The following HERC1 variants were observed in gnomAD, a reference collection of about 807,000 sequenced individuals.
HERC1 encodes probable E3 ubiquitin-protein ligase HERC1.
Under a neutral mutation model 554.3 loss-of-function variants are expected in HERC1, and 160 were observed. That is an observed-to-expected ratio of 0.29 (90% CI 0.25 to 0.33). The LOEUF is 0.33. Among genes scored for constraint, HERC1 ranks in the 10% least tolerant of loss-of-function variants. HERC1 has a pLI of 1.00. For missense variants in HERC1, 4,919 were observed against 5,918.5 expected, an observed-to-expected ratio of 0.83 and a Z score of 5.54; for synonymous variants, 2,175 against 2,131.7, an observed-to-expected ratio of 1.02 and a Z score of -0.56.
At chr15:63,679,179 C>G (rs1478699538) in intron 36 of HERC1, among the ~76,000 whole-genome samples, 3 of 152,182 alleles carry the variant, frequency 2.0e-5, no homozygotes, top group Admixed American at 6.5e-5. Flanking sequence ...CGAACCAGAA[C>G]ATGACAGAAA....
At chr15:63,815,857 A>G (rs553790697) in intron 1 of HERC1, among the ~76,000 whole-genome samples, 42 of 152,318 alleles carry the variant, frequency 2.8e-4, no homozygotes, top group African/African-American at 9.9e-4. Context: ...TCATGGCAGA[A>G]GGGGTTAGCA....
chr15:63,696,017 T>A, intron 27 of HERC1, 107 bp downstream of exon 27: 2 of 791,690 alleles, frequency 2.5e-6, no homozygotes, highest in Non-Finnish European at 4.1e-6. Flanking sequence ...AAATTTAAAG[T>A]CTTTGTATTT....
chr15:63,742,143 G>A (rs772532953), intron 12 of HERC1, among the ~76,000 whole-genome samples: 28 of 152,022 alleles, frequency 1.8e-4, no homozygotes, highest in Admixed American at 3.3e-4. Flanking sequence ...CATTTATTTC[G>A]GTCTTCTTTA....
At chr15:63,788,695 T>C (rs2076531139) in intron 1 of HERC1, among the ~76,000 whole-genome samples, 1 of 151,926 alleles carries the variant, frequency 6.6e-6, no homozygotes, top group African/African-American at 2.4e-5. Context: ...GGCAGGTGGA[T>C]CACCTGAGGT....
intron 70 of HERC1, among the ~76,000 whole-genome samples, chr15:63,626,605 G>C (rs1379470062): frequency 6.6e-6 from 1 of 152,170 alleles, no homozygotes; most frequent in East Asian, 1.9e-4. Context: ...CTAGGGATCT[G>C]ATAGCAAGTA....
chr15:63,786,941 T>A (rs2076471802), intron 1 of HERC1, among the ~76,000 whole-genome samples: 1 of 150,692 alleles, frequency 6.6e-6, no homozygotes, highest in African/African-American at 2.4e-5. Flanking sequence ...TTTTATTTTT[T>A]GAGACGGAGT....
chr15:63,645,669 C>T lies in HERC1; in HGVS notation c.10892G>A (p.Ser3631Asn), dbSNP rs1162859422. The change falls in exon 56 of 78, where the codon AGC becomes AAC. Residue 3631 changes from serine (S) to asparagine (N), a missense_variant. This residue lies in a region of HERC1 where 1,963 missense variants were observed against 2,228.6 expected (regional missense o/e 0.88). Transcript: ENST00000443617. Reference protein sequence around the residue: ...LIDAHKDTLISMKWDPTGHIL... With the variant: ...LIDAHKDTLINMKWDPTGHIL... ...ATGACCTGTAGGGTCCCACTTCATG[C>T]TAATAAGAGTATCCTTAAAATGGAA... 1.1e-5 allele frequency: 17 copies of T among 1,570,894 alleles called. No individual in the cohort carries two copies. Among genetic ancestry groups the T allele is most frequent in the Non-Finnish European group, 1.5e-5 (17 of 1,160,780 alleles).
chr15:63,743,667 T>C (rs1302777983), intron 12 of HERC1, among the ~76,000 whole-genome samples: 1 of 152,238 alleles, frequency 6.6e-6, no homozygotes, highest in African/African-American at 2.4e-5. Flanking sequence ...CTTGATTCTT[T>C]CAAATTATTT....
At chr15:63,796,182 G>A (rs1329026038) in intron 1 of HERC1, among the ~76,000 whole-genome samples, 1 of 152,158 alleles carries the variant, frequency 6.6e-6, no homozygotes, top group Non-Finnish European at 1.5e-5. Flanking sequence ...TTTTTTACAA[G>A]TAGAATAAAT....
chr15:63,625,872 A>G lies in HERC1; in HGVS notation c.13275+113T>C, dbSNP rs187002405. On this transcript the variant is annotated intron_variant, in intron 71 of 77. Coordinates refer to ENST00000443617, the MANE Select transcript of HERC1 (RefSeq NM_003922.4). Reference sequence around the variant, plus strand: ...GAATAGAAGTGTTATCTTATTAGCCATGAAAGAATTTTCCAAAGGCAGAGG... The same window carrying G: ...GAATAGAAGTGTTATCTTATTAGCCGTGAAAGAATTTTCCAAAGGCAGAGG... The G allele has an allele frequency of 1.0e-3, 1,058 of 1,062,614 alleles. 3 individuals carry two copies. In the Middle Eastern group the frequency reaches 0.01, roughly 10 times the overall value. 65.8% of individuals were successfully genotyped at this position (1,062,614 alleles called of 1,614,324 possible). A position where few individuals can be genotyped will look rare whatever the true frequency, so the allele number is the denominator to read the frequency against.
intron 19 of HERC1, among the ~76,000 whole-genome samples, chr15:63,722,286 T>G (rs977604212): frequency 1.3e-5 from 2 of 152,226 alleles, no homozygotes; most frequent in African/African-American, 4.8e-5. Flanking sequence ...ACCAGCACTC[T>G]AGAGTAGGCA....
intron 61 of HERC1, 133 bp downstream of exon 61, chr15:63,640,019 A>C (rs752426149): frequency 1.6e-4 from 139 of 866,498 alleles, no homozygotes; most frequent in Non-Finnish European, 2.3e-4. Flanking sequence ...CTGAAAGAAA[A>C]ATATTTTCCA....
At chr15:63,810,139 A>C (rs1002297652) in intron 1 of HERC1, among the ~76,000 whole-genome samples, 1 of 152,252 alleles carries the variant, frequency 6.6e-6, no homozygotes, top group Non-Finnish European at 1.5e-5. Context: ...AAAATACATT[A>C]AGATGCAGAC....
chr15:63,661,954 C>G lies in HERC1; in HGVS notation c.8969G>C (p.Ser2990Thr). ...GTTTCTCTTCATGTGCTGATTGAAG[C>G]TGACGACGCTGCATTCACACAGTTC... is the stretch of plus-strand genomic sequence containing the variant. ...VCELCECSVV[S>T]FNQHMKRNHP... The change falls in exon 45 of 78, where the codon AGC (serine) becomes ACC (threonine). Residue 2990 changes from serine to threonine, a missense_variant. Coordinates refer to ENST00000443617, the MANE Select transcript of HERC1 (RefSeq NM_003922.4). 1.5e-5 allele frequency: 25 copies of G among 1,614,010 alleles called. No homozygotes were observed. The highest frequency in any genetic ancestry group is 2.0e-5 in the Non-Finnish European group (24 of 1,179,890).
intron 1 of HERC1, among the ~76,000 whole-genome samples, chr15:63,777,877 A>G (rs913072308): frequency 6.6e-5 from 10 of 152,186 alleles, no homozygotes; most frequent in African/African-American, 2.4e-4. Flanking sequence ...TGGAATTAAA[A>G]TAAATTCTAC....
At chr15:63,813,485 A>C (rs772560194) in intron 1 of HERC1, among the ~76,000 whole-genome samples, 23 of 151,852 alleles carry the variant, frequency 1.5e-4, no homozygotes, top group Non-Finnish European at 2.8e-4. Flanking sequence ...GTTTTTTTTT[A>C]ATATCAACCC....
rs778936103 is a variant in HERC1 at position 63,674,718 on chromosome 15, T to C, written c.7470A>G (p.Glu2490=). The part of the protein sequence containing the change: ...QITEGKRKNH[E]HMSKNHDVAQ... ...CTACATCATGGTTTTTGGACATGTG[T>C]TCATGATTTTTTCTTTTCCCTTCTG... is the stretch of plus-strand genomic sequence containing the variant. The change falls in exon 38 of 78, where the codon GAA becomes GAG. Residue 2490 remains glutamate, a synonymous_variant. Transcript: ENST00000443617. 6.2e-7 allele frequency: 1 copy of C among 1,613,770 alleles called. No individual in the cohort carries two copies. Among genetic ancestry groups the C allele is most frequent in the Non-Finnish European group, 8.5e-7 (1 of 1,179,800 alleles).
chr15:63,618,628 C>T lies in HERC1; in HGVS notation c.13689-1946G>A, dbSNP rs536693573. Among the ~76,000 whole-genome samples, 6 of 152,228 alleles carry T rather than the reference C, an allele frequency of 3.9e-5. No homozygotes were observed. In the East Asian group the frequency reaches 1.2e-3, roughly 29 times the overall value. On this transcript the variant is annotated intron_variant, in intron 74 of 77. Transcript: ENST00000443617. ...ATTTTCACGATATTGATTCTTCCTA[C>T]CCATGAGCATGGAATGTTCTTCCAT...
At chr15:63,664,365 G>T in intron 43 of HERC1, 105 bp downstream of exon 43, 1 of 954,008 alleles carries the variant, frequency 1.0e-6, no homozygotes, top group East Asian at 2.5e-5. Flanking sequence ...AATGTGGAGG[G>T]ACTGAGCACT....
Sources: gnomAD v4.1 joint callset for allele counts (sites outside exome capture counted in the v4.1 genomes callset) on GRCh38, gnomAD v4.1.1 for gene constraint, gnomAD v4.1.1 regional missense constraint, MANE v1.5 for transcripts, NCBI Gene and HGNC (gene_info 2026-07-23, HGNC 2026-07-21) for gene names.